Variants in ZMYND8 observed in about 807,000 individuals in gnomAD.
ZMYND8 encodes zinc finger MYND-type containing 8.
In ZMYND8, 37 loss-of-function variants were observed where a neutral mutation model predicts 140.8. The ratio of observed to expected loss-of-function variants is 0.26; its 90% CI spans 0.20 to 0.35. The LOEUF is 0.35. Ranked by LOEUF, ZMYND8 falls within the 10% of genes least tolerant of loss-of-function variation. ZMYND8 has a pLI of 1.00. For missense variants in ZMYND8, 1,068 were observed against 1,570.0 expected (o/e 0.68, Z 5.40); for synonymous variants, 592 against 597.1 (o/e 0.99, Z 0.12).
Position 47,236,514 on chromosome 20 carries a change from C to A in ZMYND8, c.2668G>T (p.Val890Phe). The A allele has an allele frequency of 6.4e-7, 1 of 1,563,528 alleles. No homozygotes were observed. Among genetic ancestry groups the A allele is most frequent in the Non-Finnish European group, 8.7e-7 (1 of 1,154,080 alleles). The change falls in exon 16 of 23, where the codon GTC becomes TTC. Residue 890 changes from valine to phenylalanine, a missense_variant and splice_region_variant. This residue lies in a region of ZMYND8 where 383 missense variants were observed against 431.2 expected (regional missense o/e 0.89). Coordinates refer to ENST00000471951, the MANE Select transcript of ZMYND8 (RefSeq NM_001281775.3). ...RYQTRQAVKAVQQKEITQSPS... is the reference protein window; with the variant it reads ...RYQTRQAVKAFQQKEITQSPS... ...CTCTGTGTGATCTCCTTCTGCTGGA[C>A]AGCTAGGAAGGCAAAGCATCCTGAT...
chr20:47,228,537 A>C (rs2147044467), intron 17 of ZMYND8, among the ~76,000 whole-genome samples: 1 of 152,372 alleles, frequency 6.6e-6, no homozygotes, highest in African/African-American at 2.4e-5. Flanking sequence ...ACAAGAATGA[A>C]GCTGTTTCTA....
intron 19 of ZMYND8, 58 bp from the exon 20 acceptor site, chr20:47,221,532 A>C: frequency 6.4e-7 from 1 of 1,570,418 alleles, no homozygotes; most frequent in Non-Finnish European, 8.6e-7. Flanking sequence ...TGATTTTGAA[A>C]CATGCATGGA....
In ZMYND8 at chr20:47,246,214, T is replaced by C; in HGVS notation, c.2078A>G (p.Lys693Arg). The change falls in exon 14 of 23, where the codon AAG becomes AGG. Residue 693 changes from lysine to arginine, a missense_variant. Transcript: ENST00000471951. The part of the protein sequence containing the change: ...VKDKASPEPE[K>R]DFSEKAKPSP... ...AGGTTTTGCCTTTTCGGAAAAGTCC[T>C]TCTCAGGCTCAGGGCTGGCCTTGTC... 1 of 1,614,194 alleles carries C rather than the reference T, an allele frequency of 6.2e-7. No individual in the cohort carries two copies. Among genetic ancestry groups the C allele is most frequent in the South Asian group, 1.1e-5 (1 of 91,078 alleles).
rs749630313 is a variant in ZMYND8 at position 47,210,737 on chromosome 20, G to A, written c.*24C>T. 1.2e-6 allele frequency: 2 copies of A among 1,614,024 alleles called. No homozygotes were observed. Among genetic ancestry groups the A allele is most frequent in the Admixed American group, 1.7e-5 (1 of 60,000 alleles). ...TCTGGGTTTTTCTCCCAATGGGGTG[G>A]GTGGTTTGTGTCCCGATTCACTGCT... On this transcript the variant is annotated 3_prime_UTR_variant, in exon 23 of 23. Coordinates refer to ENST00000471951, the MANE Select transcript of ZMYND8 (RefSeq NM_001281775.3).
Position 47,276,530 on chromosome 20 carries a change from C to T in ZMYND8, c.1264G>A (p.Asp422Asn). ...DKQEKVKLNF[D>N]MTASPKILMS... is the part of the protein sequence containing the mutation. ...AGGATCTTGGGGGATGCCGTCATGT[C>T]AAAGTTGAGCTTGACCTTCTCCTGC... Residue 422 changes from aspartate to asparagine, a missense_variant, in exon 11 of 23, where the codon GAC becomes AAC. By Grantham distance (23) the Asp-to-Asn change is conservative. Coordinates refer to ENST00000471951, the MANE Select transcript of ZMYND8 (RefSeq NM_001281775.3). 1 of 1,614,024 alleles carries T rather than the reference C, an allele frequency of 6.2e-7. No homozygotes were observed.
chr20:47,249,245 C>G (rs1254902158), intron 13 of ZMYND8, 42 bp downstream of exon 13: 3 of 1,600,772 alleles, frequency 1.9e-6, no homozygotes, highest in Non-Finnish European at 2.6e-6. Flanking sequence ...GTAATGATAA[C>G]AATGATACTG....
chr20:47,290,356 T>C, intron 6 of ZMYND8, 82 bp from the exon 7 acceptor site: 2 of 1,287,100 alleles, frequency 1.6e-6, no homozygotes, highest in Middle Eastern at 1.9e-4. Flanking sequence ...CACATAATTT[T>C]TGTAGCAGTC....
At chr20:47,211,373 T>A (rs1209712509) in intron 22 of ZMYND8, among the ~76,000 whole-genome samples, 1 of 152,066 alleles carries the variant, frequency 6.6e-6, no homozygotes, top group Non-Finnish European at 1.5e-5. Flanking sequence ...TACAACCAAA[T>A]CACACTTGTC....
At chr20:47,214,269 A>C (rs950959744) in intron 21 of ZMYND8, among the ~76,000 whole-genome samples, 1 of 152,254 alleles carries the variant, frequency 6.6e-6, no homozygotes, top group African/African-American at 2.4e-5. Context: ...ACCTGTCAAC[A>C]CAAACTGCTT....
intron 1 of ZMYND8, chr20:47,349,976 G>T: frequency 1.3e-6 from 2 of 1,524,904 alleles, no homozygotes; most frequent in South Asian, 1.2e-5. Flanking sequence ...GAATACTTCA[G>T]GCAGGAATGC....
intron 3 of ZMYND8, among the ~76,000 whole-genome samples, chr20:47,306,778 A>G (rs1456730780): frequency 6.6e-6 from 1 of 152,172 alleles, no homozygotes; most frequent in Non-Finnish European, 1.5e-5. Context: ...ACAATGGAAC[A>G]AAGAAGAGAA....
chr20:47,214,333 C>T (rs1333865310), intron 21 of ZMYND8, among the ~76,000 whole-genome samples: 1 of 152,202 alleles, frequency 6.6e-6, no homozygotes, highest in Non-Finnish European at 1.5e-5. Context: ...CCCGCACAGA[C>T]CTCTGCGGCC....
chr20:47,229,360 C>A (rs76318930), intron 17 of ZMYND8, among the ~76,000 whole-genome samples: 2 of 151,920 alleles, frequency 1.3e-5, no homozygotes, highest in African/African-American at 2.4e-5. Context: ...CTCCAGTACA[C>A]AAATTATTGA....
At position 47,224,464 on chromosome 20, in the gene ZMYND8, G is replaced by C; in HGVS notation, c.3109C>G (p.Gln1037Glu). Residue 1037 changes from glutamine (Q) to glutamate (E), a missense_variant, in exon 19 of 23, where the codon CAG becomes GAG. By Grantham distance (29) the Gln-to-Glu change is conservative (BLOSUM62 2). Transcript: ENST00000471951. ...TTCTTCTTGGTCTCATCCACCGCCT[G>C]CTGCTTCTCCAACTCCAGCTGCTTC... The part of the protein sequence containing the change: ...VKKQLELEKQ[Q>E]AVDETKKKQW... The C allele has an allele frequency of 6.2e-7, 1 of 1,614,216 alleles. No individual in the cohort carries two copies. The highest frequency in any genetic ancestry group is 8.5e-7 in the Non-Finnish European group (1 of 1,180,038).
intron 21 of ZMYND8, among the ~76,000 whole-genome samples, chr20:47,216,061 G>A (rs1367141631): frequency 1.3e-5 from 2 of 152,230 alleles, no homozygotes. Context: ...AGGCCCTGCA[G>A]AGGGCAGAGG....
chr20:47,306,018 AC>A (rs764252861), intron 3 of ZMYND8, among the ~76,000 whole-genome samples: 2 of 152,202 alleles, frequency 1.3e-5, no homozygotes, highest in Non-Finnish European at 2.9e-5. Flanking sequence ...AAAACACTGG[AC>A]CAAAGGTCTT....
chr20:47,312,423 G>A (rs1333036503), intron 2 of ZMYND8, among the ~76,000 whole-genome samples: 1 of 152,152 alleles, frequency 6.6e-6, no homozygotes, highest in Non-Finnish European at 1.5e-5. Context: ...ACCCAGTCAT[G>A]AGTGGAAATT....
intron 16 of ZMYND8, among the ~76,000 whole-genome samples, chr20:47,233,055 T>C (rs549682108): frequency 1.3e-5 from 2 of 151,992 alleles, no homozygotes; most frequent in African/African-American, 4.8e-5. Context: ...TATAGGTGCC[T>C]GCTACCACAC....
chr20:47,292,875 G>A (rs1158089939), intron 5 of ZMYND8, among the ~76,000 whole-genome samples: 1 of 151,632 alleles, frequency 6.6e-6, no homozygotes, highest in African/African-American at 2.4e-5. Context: ...AACATAGCGA[G>A]ACCCTGTCAT....
Sources: allele counts gnomAD v4.1 joint callset (sites outside exome capture counted in the v4.1 genomes callset), GRCh38; gene constraint gnomAD v4.1.1; regional missense constraint gnomAD v4.1.1; transcripts MANE v1.5; gene names NCBI Gene and HGNC (gene_info 2026-07-23, HGNC 2026-07-21).